Variants in ADAMTSL1 observed in about 807,000 individuals in gnomAD.
ADAMTSL1 encodes the protein ADAMTS-like protein 1.
In ADAMTSL1, 126 loss-of-function variants were observed where a neutral mutation model predicts 201.8. The observed-to-expected ratio is 0.62, with a 90% confidence interval of 0.54 to 0.72. The LOEUF is 0.72. ADAMTSL1 is among the 30% of genes least tolerant of loss of function. ADAMTSL1 has a pLI of 0.00. For missense variants in ADAMTSL1, 2,679 were observed against 2,277.8 expected, an observed-to-expected ratio of 1.18 and a Z score of -3.59; for synonymous variants, 1,121 against 903.4, an observed-to-expected ratio of 1.24 and a Z score of -4.32.
chr9:18,612,215 G>A (rs1411305315), intron 4 of ADAMTSL1, among the ~76,000 whole-genome samples: 2 of 152,206 alleles, frequency 1.3e-5, no homozygotes, highest in South Asian at 4.1e-4. Context: ...CAGGCAAGGT[G>A]ACAAGTGGAA....
intron 1 of ADAMTSL1, among the ~76,000 whole-genome samples, chr9:18,013,512 A>C (rs777271978): frequency 9.2e-5 from 14 of 152,178 alleles, no homozygotes; most frequent in Admixed American, 2.6e-4. Flanking sequence ...GGAGTTTTCT[A>C]ATGGTAAATA....
At chr9:17,958,105 C>T (rs1012156815) in intron 1 of ADAMTSL1, among the ~76,000 whole-genome samples, 1 of 151,996 alleles carries the variant, frequency 6.6e-6, no homozygotes, top group South Asian at 2.1e-4. Flanking sequence ...TTGTAAATGT[C>T]TCTTCTTTAC....
chr9:18,030,498 A>C (rs1820904852), intron 1 of ADAMTSL1, among the ~76,000 whole-genome samples: 1 of 152,144 alleles, frequency 6.6e-6, no homozygotes, highest in African/African-American at 2.4e-5. Flanking sequence ...ACATGTATAC[A>C]TATGTAACTA....
chr9:18,657,975 T>G (rs1008455149), intron 8 of ADAMTSL1, among the ~76,000 whole-genome samples: 1 of 4,116 alleles, frequency 2.4e-4, no homozygotes, highest in African/African-American at 2.4e-3. Context: ...GAAACAGTCT[T>G]TTTTTTTTTT....
At position 18,086,222 on chromosome 9, in the gene ADAMTSL1, G is replaced by A. The variant is rs561965073; in HGVS notation, c.88-77640G>A. Among the ~76,000 whole-genome samples the A allele has an allele frequency of 5.0e-4, 76 of 152,150 alleles. 1 individual carries two copies. The South Asian group carries it at 0.015, about 30-fold the overall frequency. The stretch of plus-strand genomic sequence containing the variant: ...TCATCTTTGTCACAGAGTGAAGCAG[G>A]CACAAGATAGTCCAGACTGAAGGAA... On this transcript the variant is annotated intron_variant, in intron 1 of 29. Coordinates refer to the ADAMTSL1 transcript ENST00000680146.
At position 18,681,705 on chromosome 9, in the gene ADAMTSL1, G is replaced by GGGGC. The variant is rs1587882484; in HGVS notation, c.1342-104_1342-103insCGGG. The GGGGC allele has an allele frequency of 1.2e-5, 9 of 721,092 alleles. 1 individual carries two copies. The highest frequency in any genetic ancestry group is 4.9e-5 in the African/African-American group (2 of 40,820). 44.7% of individuals were successfully genotyped at this position (721,092 alleles called of 1,614,324 possible). A position where few individuals can be genotyped will look rare whatever the true frequency, so the allele number is the denominator to read the frequency against. The stretch of plus-strand genomic sequence containing the variant: ...TACCAGGAGTCCTCGTGTGGGGGGG[G>GGGGC]GGGGCGGGGAAAAAGAAAACTTAGA... On this transcript the variant is annotated intron_variant, in intron 11 of 28. Coordinates refer to ENST00000380548, the MANE Select transcript of ADAMTSL1 (RefSeq NM_001040272.6).
chr9:18,359,502 G>A (rs1423149501), intron 2 of ADAMTSL1, among the ~76,000 whole-genome samples: 1 of 151,978 alleles, frequency 6.6e-6, no homozygotes, highest in East Asian at 2.0e-4. Flanking sequence ...GGTTACTAAT[G>A]GTGGTTTCTT....
chr9:18,051,533 C>T (rs1364437890), intron 1 of ADAMTSL1, among the ~76,000 whole-genome samples: 1 of 150,582 alleles, frequency 6.6e-6, no homozygotes, highest in Non-Finnish European at 1.5e-5. Flanking sequence ...AAGATACAGA[C>T]AACTTTTTAA....
intron 1 of ADAMTSL1, among the ~76,000 whole-genome samples, chr9:18,157,848 A>T (rs1233634273): frequency 1.3e-5 from 2 of 152,012 alleles, no homozygotes; most frequent in African/African-American, 4.8e-5. Flanking sequence ...ACTGCTAATC[A>T]GCTTGCAGAG....
At chr9:18,219,357 T>A (rs1354230550) in intron 2 of ADAMTSL1, among the ~76,000 whole-genome samples, 1 of 149,566 alleles carries the variant, frequency 6.7e-6, no homozygotes, top group Non-Finnish European at 1.5e-5. Flanking sequence ...ATTTATTTAT[T>A]TATTTATTTA....
At chr9:18,690,803 CT>C (rs1831165688) in intron 13 of ADAMTSL1, among the ~76,000 whole-genome samples, 1 of 152,184 alleles carries the variant, frequency 6.6e-6, no homozygotes, top group South Asian at 2.1e-4. Flanking sequence ...TCCCTATTCT[CT>C]GCAGCAGCAA....
intron 1 of ADAMTSL1, among the ~76,000 whole-genome samples, chr9:17,931,254 C>G (rs1183620319): frequency 6.6e-6 from 1 of 152,158 alleles, no homozygotes. Flanking sequence ...AGCAGAAATT[C>G]GAGCCCGGGT....
At chr9:18,030,338 A>G (rs1486323109) in intron 1 of ADAMTSL1, among the ~76,000 whole-genome samples, 1 of 152,096 alleles carries the variant, frequency 6.6e-6, no homozygotes, top group African/African-American at 2.4e-5. Flanking sequence ...ATAGGTGGGA[A>G]TTGAACAATG....
chr9:18,720,085 C>A (rs558088763), intron 14 of ADAMTSL1, among the ~76,000 whole-genome samples: 1 of 152,110 alleles, frequency 6.6e-6, no homozygotes, highest in Non-Finnish European at 1.5e-5. Context: ...GTGAGAATGT[C>A]CTGTCTTGCC....
chr9:18,196,253 C>T (rs1454002111), intron 2 of ADAMTSL1, among the ~76,000 whole-genome samples: 2 of 151,992 alleles, frequency 1.3e-5, no homozygotes, highest in South Asian at 4.1e-4. Flanking sequence ...AGATGAGCTA[C>T]TGATGTGAAT....
At chr9:18,838,019 T>G (rs1037290787) in intron 23 of ADAMTSL1, among the ~76,000 whole-genome samples, 1 of 152,076 alleles carries the variant, frequency 6.6e-6, no homozygotes, top group Non-Finnish European at 1.5e-5. Flanking sequence ...TTAGCCTGTT[T>G]TCATGCTGCT....
intron 1 of ADAMTSL1, among the ~76,000 whole-genome samples, chr9:18,025,544 C>G (rs897956461): frequency 1.3e-5 from 2 of 151,972 alleles, no homozygotes; most frequent in African/African-American, 4.8e-5. Context: ...CTAACTTTGT[C>G]AAAGATCAGA....
chr9:17,959,956 G>A (rs1280688985), intron 1 of ADAMTSL1, among the ~76,000 whole-genome samples: 2 of 152,022 alleles, frequency 1.3e-5, no homozygotes, highest in Non-Finnish European at 2.9e-5. Context: ...TGAGAGAAAG[G>A]GTGGTGTATT....
intron 26 of ADAMTSL1, among the ~76,000 whole-genome samples, chr9:18,893,136 C>T (rs1426090611): frequency 6.6e-6 from 1 of 151,976 alleles, no homozygotes; most frequent in African/African-American, 2.4e-5. Context: ...AATGTATATG[C>T]TTCATAATCA....
Sources: gnomAD v4.1 joint callset for allele counts (sites outside exome capture counted in the v4.1 genomes callset) on GRCh38, gnomAD v4.1.1 for gene constraint, MANE v1.5 for transcripts, NCBI Gene and HGNC (gene_info 2026-07-23, HGNC 2026-07-21) for gene names.